LCOR: variants seen among roughly 807,000 people sequenced by gnomAD.
LCOR encodes the protein ligand-dependent corepressor.
In LCOR, 14 loss-of-function variants were observed where a neutral mutation model predicts 64.4. The observed-to-expected ratio is 0.22, with a 90% CI of 0.14 to 0.34. The LOEUF (loss-of-function observed/expected upper bound fraction) is 0.34. LCOR is among the 10% of genes least tolerant of loss of function. The pLI is 1.00. For synonymous variants in LCOR, 643 were observed against 642.5 expected (o/e 1.00, Z -0.01); for missense variants, 1,686 against 1,765.3 (o/e 0.96, Z 0.80).
At chr10:96,871,458 G>C (rs994936381) in intron 2 of LCOR, among the ~76,000 whole-genome samples, 3 of 151,996 alleles carry the variant, frequency 2.0e-5, no homozygotes, top group African/African-American at 7.3e-5. Flanking sequence ...TGTCGCCCAG[G>C]CTGGAGTGCA....
intron 2 of LCOR, among the ~76,000 whole-genome samples, chr10:96,864,334 G>T (rs1294546217): frequency 6.6e-6 from 1 of 152,146 alleles, no homozygotes; most frequent in Non-Finnish European, 1.5e-5. Context: ...AAATAAAGGT[G>T]TATTGACTTT....
chr10:96,914,476 C>T (rs1307706395), intron 4 of LCOR, among the ~76,000 whole-genome samples: 1 of 152,222 alleles, frequency 6.6e-6, no homozygotes, highest in African/African-American at 2.4e-5. Context: ...GGATTACAGG[C>T]GCGAGCCACC....
chr10:96,940,068 A>G (rs1847422733), intron 4 of LCOR, among the ~76,000 whole-genome samples: 1 of 152,232 alleles, frequency 6.6e-6, no homozygotes, highest in Non-Finnish European at 1.5e-5. Flanking sequence ...TTAGAAAAAT[A>G]CAAACCTTAA....
Position 96,985,129 on chromosome 10 carries a change from A to T in LCOR, c.4669A>T (p.Lys1557Ter). The T allele has an allele frequency of 6.3e-7, 1 of 1,589,330 alleles. No homozygotes were observed. The highest frequency in any genetic ancestry group is 8.5e-7 in the Non-Finnish European group (1 of 1,171,270). ...SHSKRRRLDA[K>*] The stretch of plus-strand genomic sequence containing the variant: ...CAGCAAACGGAGGCGGCTGGATGCA[A>T]AGTGATTGGAAAGATGGTAGCCAAG... Residue 1557 changes from lysine to a stop codon, truncating the protein, a stop_gained, in exon 8 of 8, where the codon AAG becomes TAG. Transcript: ENST00000421806. LOFTEE classifies it high-confidence loss of function.
chr10:96,904,248 T>G (rs1846690203), intron 2 of LCOR, among the ~76,000 whole-genome samples: 1 of 152,158 alleles, frequency 6.6e-6, no homozygotes, highest in South Asian at 2.1e-4. Context: ...AGGAGAGAGA[T>G]ACTATATTTT....
intron 7 of LCOR, among the ~76,000 whole-genome samples, chr10:96,975,098 G>C (rs181721045): frequency 1.3e-5 from 2 of 152,256 alleles, no homozygotes; most frequent in African/African-American, 4.8e-5. Context: ...TTGAACCCGG[G>C]AGGTGGCGGT....
chr10:96,861,383 G>A (rs1206401453), intron 2 of LCOR, among the ~76,000 whole-genome samples: 1 of 152,148 alleles, frequency 6.6e-6, no homozygotes, highest in Admixed American at 6.6e-5. Context: ...TAGTGTGAGT[G>A]TGGGAAAACA....
intron 2 of LCOR, among the ~76,000 whole-genome samples, chr10:96,869,467 G>A (rs561746793): frequency 6.6e-6 from 1 of 152,044 alleles, no homozygotes; most frequent in Non-Finnish European, 1.5e-5. Flanking sequence ...TGCCTACCTT[G>A]GCCTCCCAAA....
intron 2 of LCOR, among the ~76,000 whole-genome samples, chr10:96,870,534 C>T (rs1043970930): frequency 6.6e-6 from 1 of 152,174 alleles, no homozygotes; most frequent in Non-Finnish European, 1.5e-5. Flanking sequence ...ATCTCATAGA[C>T]TCTTCAGATC....
At position 96,833,010 on chromosome 10, in the gene LCOR, C is replaced by A. The variant is rs1845372663; in HGVS notation, c.-403-396C>A. ...AGGGAGCTGGAGCTGTCACAGTCCC[C>A]GGGTGCGCCTGACCGAGCCAAGTGG... is the stretch of plus-strand genomic sequence containing the variant. On this transcript the variant is annotated intron_variant, in intron 1 of 7. Coordinates refer to ENST00000421806, the MANE Select transcript of LCOR (RefSeq NM_001346516.2). The A allele has an allele frequency of 1.9e-5, 19 of 985,420 alleles. No individual in the cohort carries two copies. In the South Asian group the frequency reaches 8.5e-4, roughly 44 times the overall value. The allele number at this position is 985,420 out of a possible 1,614,324, so 61.0% of individuals were successfully genotyped here.
At chr10:96,833,045 G>A in intron 1 of LCOR, 1 of 986,276 alleles carries the variant, frequency 1.0e-6, no homozygotes, top group Non-Finnish European at 1.2e-6. Context: ...GGGTGTCATG[G>A]CCGCGGGGGG....
chr10:96,916,768 C>T (rs1190572878), intron 4 of LCOR, among the ~76,000 whole-genome samples: 1 of 151,966 alleles, frequency 6.6e-6, no homozygotes, highest in African/African-American at 2.4e-5. Flanking sequence ...GCGCACGCCA[C>T]CCCACCCAGC....
intron 2 of LCOR, among the ~76,000 whole-genome samples, chr10:96,892,422 T>G (rs1185305646): frequency 1.3e-5 from 2 of 152,168 alleles, no homozygotes; most frequent in African/African-American, 4.8e-5. Context: ...AAATTATTTC[T>G]CACAGTTCTG....
Position 96,980,914 on chromosome 10 carries a change from CT to C in LCOR, c.455del (p.Leu152ArgfsTer46), listed in dbSNP as rs1405646982. ...GCAATTCATTCGTGTTCTGAACGACCTGTACACTGAATCTCAACCAGGCACT... is the reference window on the plus strand; with the variant it reads ...GCAATTCATTCGTGTTCTGAACGACCGTACACTGAATCTCAACCAGGCACT... ...QKQFIRVLND[L>X]YTESQPGTED... is the part of the protein sequence containing the mutation. On this transcript the variant is annotated frameshift_variant, in exon 8 of 8. Coordinates refer to ENST00000421806, the MANE Select transcript of LCOR (RefSeq NM_001346516.2). LOFTEE classifies it low-confidence loss of function (END_TRUNC). 1 of 702,896 alleles carries C rather than the reference CT, an allele frequency of 1.4e-6. No homozygotes were observed. Among genetic ancestry groups the C allele is most frequent in the Non-Finnish European group, 2.6e-6 (1 of 385,020 alleles). The allele number at this position is 702,896 out of a possible 1,614,324, so 43.5% of individuals were successfully genotyped here.
At chr10:96,946,874 C>A (rs1021318416) in intron 5 of LCOR, among the ~76,000 whole-genome samples, 4 of 151,988 alleles carry the variant, frequency 2.6e-5, no homozygotes, top group African/African-American at 7.2e-5. Context: ...ACAGAGGCAT[C>A]GCATAAATTC....
rs1190898914 is a variant in LCOR, at chr10:96,937,978, G to A, written c.-183-6135G>A. On this transcript the variant is annotated intron_variant, in intron 4 of 7. Transcript: ENST00000421806. ...TTTATTATTTGAGGGTCTCGCCCTG[G>A]TCTTGCCCTGTCGTCCAGGCTGGAG... 3.3e-5 allele frequency among the ~76,000 whole-genome samples: 5 copies of A among 152,286 alleles called. 1 individual carries two copies. The highest frequency in any genetic ancestry group is 1.2e-4 in the African/African-American group (5 of 41,552).
chr10:96,904,205 G>A (rs1400342454), intron 2 of LCOR, among the ~76,000 whole-genome samples: 1 of 152,182 alleles, frequency 6.6e-6, no homozygotes, highest in Non-Finnish European at 1.5e-5. Context: ...AAATTAATAT[G>A]TATTTGTTGA....
intron 5 of LCOR, among the ~76,000 whole-genome samples, chr10:96,944,592 ATTT>A (rs35733272): frequency 1.4e-5 from 2 of 140,044 alleles, no homozygotes; most frequent in African/African-American, 5.2e-5. Context: ...CAACTGTGTG[ATTT>A]TTTTTTTTTT....
intron 2 of LCOR, among the ~76,000 whole-genome samples, chr10:96,879,399 T>A (rs2134417162): frequency 1.3e-5 from 2 of 152,300 alleles, no homozygotes; most frequent in Non-Finnish European, 2.9e-5. Flanking sequence ...TAGTCATGAA[T>A]GGAGAGTGAG....
Sources: gnomAD v4.1 joint callset for allele counts (sites outside exome capture counted in the v4.1 genomes callset) on GRCh38, gnomAD v4.1.1 for gene constraint, MANE v1.5 for transcripts, NCBI Gene and HGNC (gene_info 2026-07-23, HGNC 2026-07-21) for gene names.